The following RNF150 variants were observed in gnomAD, a reference collection of about 807,000 sequenced individuals.
The protein encoded by RNF150 is ring finger protein 150.
In RNF150, 24 loss-of-function variants were observed where a neutral mutation model predicts 39.3. That is an observed-to-expected ratio of 0.61 (90% CI 0.44 to 0.86). The LOEUF (loss-of-function observed/expected upper bound fraction) is 0.86, where lower values mean the gene tolerates loss of function less well. Ranked by LOEUF, RNF150 falls within the 40% of genes least tolerant of loss-of-function variation. The pLI, the probability that RNF150 is intolerant of heterozygous loss-of-function variation, is 0.00. For missense variants in RNF150, 502 were observed against 587.8 expected, an observed-to-expected ratio of 0.85 and a Z score of 1.51; for synonymous variants, 255 against 227.3, an observed-to-expected ratio of 1.12 and a Z score of -1.10.
Position 140,956,740 on chromosome 4 carries a change from A to C in RNF150, c.736-7368T>G, listed in dbSNP as rs190311039. ...CAATGGAACAGAACAGAGCCCTCAGAAATAACACCACATATCTACAACTAC... is the reference window on the plus strand; with the variant it reads ...CAATGGAACAGAACAGAGCCCTCAGCAATAACACCACATATCTACAACTAC... On this transcript the variant is annotated intron_variant, in intron 2 of 6. Coordinates refer to ENST00000515673, the MANE Select transcript of RNF150 (RefSeq NM_020724.2). Among the ~76,000 whole-genome samples, 65 of 152,360 alleles carry C rather than the reference A, an allele frequency of 4.3e-4. No homozygotes were observed. The East Asian group carries it at 0.011, about 26-fold the overall frequency.
intron 1 of RNF150, among the ~76,000 whole-genome samples, chr4:141,147,547 T>C (rs1318034135): frequency 1.3e-5 from 2 of 152,226 alleles, no homozygotes; most frequent in Admixed American, 1.3e-4. Flanking sequence ...TTAGTGTATC[T>C]CTATGTACAC....
At chr4:140,908,413 A>G (rs1336739587) in intron 6 of RNF150, among the ~76,000 whole-genome samples, 1 of 152,100 alleles carries the variant, frequency 6.6e-6, no homozygotes, top group Non-Finnish European at 1.5e-5. Context: ...ATATTTCGTG[A>G]GAAAATTTAG....
At chr4:140,975,162 G>A (rs1733616445) in intron 1 of RNF150, among the ~76,000 whole-genome samples, 1 of 152,088 alleles carries the variant, frequency 6.6e-6, no homozygotes, top group Admixed American at 6.6e-5. Context: ...AGCCTGAGGT[G>A]GGAGGATGAC....
chr4:141,058,349 G>A (rs1026338589), intron 1 of RNF150, among the ~76,000 whole-genome samples: 6 of 151,924 alleles, frequency 3.9e-5, no homozygotes, highest in Admixed American at 3.9e-4. Flanking sequence ...AGAGAAGGAA[G>A]AAAATCCCTT....
chr4:140,986,227 C>T (rs1479863816), intron 1 of RNF150, among the ~76,000 whole-genome samples: 3 of 152,042 alleles, frequency 2.0e-5, no homozygotes, highest in Middle Eastern at 3.2e-3. Flanking sequence ...GCGCTGCCCA[C>T]GTCTGCTTTC....
intron 1 of RNF150, among the ~76,000 whole-genome samples, chr4:141,018,424 C>T (rs1429930854): frequency 6.6e-6 from 1 of 152,114 alleles, no homozygotes; most frequent in Non-Finnish European, 1.5e-5. Context: ...CTTGTGAAAC[C>T]CCCAGTGTTT....
chr4:141,107,125 T>A (rs1010759345), intron 1 of RNF150, among the ~76,000 whole-genome samples: 1 of 152,186 alleles, frequency 6.6e-6, no homozygotes, highest in African/African-American at 2.4e-5. Flanking sequence ...ATGACATCAA[T>A]TTAAAGTGAT....
At chr4:140,901,676 C>T (rs1043912791) in intron 6 of RNF150, among the ~76,000 whole-genome samples, 4 of 152,152 alleles carry the variant, frequency 2.6e-5, no homozygotes, top group African/African-American at 9.7e-5. Context: ...GGTAAAAAGT[C>T]ACACAGTCCA....
chr4:141,150,378 G>A lies in RNF150; in HGVS notation c.-6+62416C>T, dbSNP rs17006940. On this transcript the variant is annotated intron_variant, in intron 1 of 7. Transcript: ENST00000420921. ...CTCACCAAGTACATCAGATTCCGATGGCTTCTCGCCGTCACCATCTACATT... is the reference window on the plus strand; with the variant it reads ...CTCACCAAGTACATCAGATTCCGATAGCTTCTCGCCGTCACCATCTACATT... 7.0e-3 allele frequency among the ~76,000 whole-genome samples: 1,069 copies of A among 152,292 alleles called. 6 individuals carry two copies. The highest frequency in any genetic ancestry group is 0.024 in the Middle Eastern group (7 of 294).
rs1200558185 is a variant in RNF150, at chr4:141,056,748, C to T, written c.484+75577G>A. ...CGCCTCTTGTTCTCAGCTTCTTCCC[C>T]TTCCCATCTGGGAGCCCTGGTCTCA... On this transcript the variant is annotated intron_variant, in intron 1 of 6. Coordinates refer to ENST00000515673, the MANE Select transcript of RNF150 (RefSeq NM_020724.2). Among the ~76,000 whole-genome samples, 6 of 152,030 alleles carry T rather than the reference C, an allele frequency of 3.9e-5. No homozygotes were observed. The East Asian group carries it at 1.2e-3, about 29-fold the overall frequency.
chr4:141,116,645 T>C (rs1739557714), intron 1 of RNF150, among the ~76,000 whole-genome samples: 1 of 152,220 alleles, frequency 6.6e-6, no homozygotes, highest in African/African-American at 2.4e-5. Flanking sequence ...ACTGGGTATA[T>C]ACCCAAAGGA....
chr4:141,096,360 C>T (rs983193674), intron 1 of RNF150, among the ~76,000 whole-genome samples: 2 of 151,824 alleles, frequency 1.3e-5, no homozygotes, highest in African/African-American at 4.8e-5. Context: ...CCATGCCTGG[C>T]TAATTTTTTG....
intron 1 of RNF150, among the ~76,000 whole-genome samples, chr4:141,078,854 T>C (rs1019653066): frequency 1.0e-3 from 140 of 135,022 alleles, no homozygotes; most frequent in African/African-American, 3.4e-3. Flanking sequence ...CACACATACA[T>C]ACATACATAT....
At chr4:141,050,314 C>A (rs944337685) in intron 1 of RNF150, among the ~76,000 whole-genome samples, 12 of 152,040 alleles carry the variant, frequency 7.9e-5, no homozygotes, top group Admixed American at 7.9e-4. Context: ...CAAACCATAT[C>A]ATTCCACTCC....
intron 1 of RNF150, among the ~76,000 whole-genome samples, chr4:141,034,648 A>G (rs1736074209): frequency 6.6e-6 from 1 of 152,172 alleles, no homozygotes; most frequent in Non-Finnish European, 1.5e-5. Context: ...TTGAACACTT[A>G]GAGGCCACGG....
At chr4:141,076,932 G>C (rs1436188574) in intron 1 of RNF150, among the ~76,000 whole-genome samples, 1 of 151,960 alleles carries the variant, frequency 6.6e-6, no homozygotes, top group Admixed American at 6.6e-5. Flanking sequence ...CCCCATTCCA[G>C]GCACTTGATA....
chr4:140,988,160 TAA>T (rs1734072980), intron 1 of RNF150, among the ~76,000 whole-genome samples: 1 of 152,174 alleles, frequency 6.6e-6, no homozygotes, highest in Admixed American at 6.5e-5. Context: ...GGTGGGAGTG[TAA>T]ATTAGTTCAG....
intron 1 of RNF150, among the ~76,000 whole-genome samples, chr4:141,145,914 A>T (rs140825726): frequency 6.6e-6 from 1 of 152,256 alleles, no homozygotes; most frequent in African/African-American, 2.4e-5. Flanking sequence ...TTGTGTCAGG[A>T]CAGATATAGC....
intron 1 of RNF150, among the ~76,000 whole-genome samples, chr4:140,982,872 C>T (rs1476425311): frequency 6.6e-6 from 1 of 152,048 alleles, no homozygotes; most frequent in African/African-American, 2.4e-5. Context: ...ATCTCATCAG[C>T]TGTAGTCAGT....
Sources: allele counts gnomAD v4.1 joint callset (sites outside exome capture counted in the v4.1 genomes callset), GRCh38; gene constraint gnomAD v4.1.1; transcripts MANE v1.5; gene names NCBI Gene and HGNC (gene_info 2026-07-23, HGNC 2026-07-21).